Variants in ADNP observed in about 807,000 individuals in gnomAD.
The protein encoded by ADNP is activity dependent neuroprotector homeobox.
A neutral mutation model predicts 84.9 loss-of-function variants in ADNP; 4 were observed. The observed-to-expected ratio is 0.05, with a 90% CI of 0.02 to 0.11. The LOEUF is 0.11. ADNP is among the 10% of genes least tolerant of loss of function. ADNP has a pLI of 1.00. For synonymous variants in ADNP, 554 were observed against 468.1 expected, an observed-to-expected ratio of 1.18 and a Z score of -2.37; for missense variants, 1,132 against 1,326.0, an observed-to-expected ratio of 0.85 and a Z score of 2.27.
At chr20:50,919,359 A>G (rs1983779295) in intron 2 of ADNP, among the ~76,000 whole-genome samples, 1 of 150,064 alleles carries the variant, frequency 6.7e-6, no homozygotes, top group Non-Finnish European at 1.5e-5. Flanking sequence ...AGTCCCAGCT[A>G]CTTGGGAGGC....
At chr20:50,914,430 T>C in intron 2 of ADNP, 1 of 483,714 alleles carries the variant, frequency 2.1e-6, no homozygotes, top group Non-Finnish European at 3.8e-6. Flanking sequence ...CTTTCTATGT[T>C]GTGATGCTGT....
At chr20:50,915,114 TG>T (rs1983410046) in intron 2 of ADNP, among the ~76,000 whole-genome samples, 1 of 152,220 alleles carries the variant, frequency 6.6e-6, no homozygotes, top group Non-Finnish European at 1.5e-5. Flanking sequence ...AAATGTATTC[TG>T]ATTTGTATTT....
intron 5 of ADNP, among the ~76,000 whole-genome samples, chr20:50,897,739 G>A (rs1045318773): frequency 6.6e-6 from 1 of 152,208 alleles, no homozygotes; most frequent in African/African-American, 2.4e-5. Flanking sequence ...GGATCAAAGA[G>A]GTGGTGTTTG....
At position 50,917,395 on chromosome 20, in the gene ADNP, T is replaced by C. The variant is rs189552827; in HGVS notation, c.-90+11256A>G. On this transcript the variant is annotated intron_variant, in intron 2 of 5. Coordinates refer to ENST00000621696, the MANE Select transcript of ADNP (RefSeq NM_001282531.3). ...TCTTAAATCACTCTTACCATCACCATGGAGGCCAAGAGTCACTAGATAGTC... is the reference window on the plus strand; with the variant it reads ...TCTTAAATCACTCTTACCATCACCACGGAGGCCAAGAGTCACTAGATAGTC... 2.2e-3 allele frequency among the ~76,000 whole-genome samples: 333 copies of C among 152,328 alleles called. 2 individuals are homozygous for C. The highest frequency in any genetic ancestry group is 2.8e-3 in the Non-Finnish European group (193 of 68,028).
chr20:50,903,484 A>G (rs1245955435), intron 4 of ADNP, among the ~76,000 whole-genome samples: 1 of 152,220 alleles, frequency 6.6e-6, no homozygotes, highest in East Asian at 1.9e-4. Flanking sequence ...GCGTATCAGA[A>G]TGAGAACAGG....
chr20:50,922,807 TC>T (rs988142393), intron 2 of ADNP, among the ~76,000 whole-genome samples: 1 of 152,004 alleles, frequency 6.6e-6, no homozygotes, highest in Non-Finnish European at 1.5e-5. Context: ...GGTCTCAAAC[TC>T]CTAAACTTGT....
chr20:50,902,139 A>G, intron 4 of ADNP, 30 bp from the exon 5 acceptor site: 2 of 1,500,996 alleles, frequency 1.3e-6, no homozygotes, highest in Non-Finnish European at 1.9e-6. Context: ...GTTTACAAAA[A>G]CATAGTGGTA....
intron 2 of ADNP, among the ~76,000 whole-genome samples, chr20:50,908,130 T>C (rs1378288118): frequency 3.3e-5 from 5 of 149,596 alleles, no homozygotes; most frequent in African/African-American, 1.2e-4. Context: ...TTCAAAAGCA[T>C]TTGCAAAGAT....
At position 50,893,562 on chromosome 20, in the gene ADNP, C is replaced by T; in HGVS notation, c.1152G>A (p.Gln384=). Residue 384 remains glutamine, a synonymous_variant, in exon 6 of 6, where the codon CAG becomes CAA. Transcript: ENST00000621696. The surrounding 1 kb of genome is among the most constrained non-coding windows in gnomAD (Gnocchi z 4.4). ...NGRSYGLGSE[Q]RSQAPARYSL... ...AGTATCTTGCTGGTGCCTGGGACCT[C>T]TGCTCTGACCCAAGCCCATAAGACC... 1 of 1,614,066 alleles carries T rather than the reference C, an allele frequency of 6.2e-7. No homozygotes were observed. Among genetic ancestry groups the T allele is most frequent in the South Asian group, 1.1e-5 (1 of 91,076 alleles).
At chr20:50,923,860 T>C (rs1383774333) in intron 2 of ADNP, among the ~76,000 whole-genome samples, 1 of 152,242 alleles carries the variant, frequency 6.6e-6, no homozygotes. Flanking sequence ...GAAGCAGGAT[T>C]CTGAGCACTT....
chr20:50,921,871 T>C (rs1344056948), intron 2 of ADNP, among the ~76,000 whole-genome samples: 1 of 152,186 alleles, frequency 6.6e-6, no homozygotes, highest in Non-Finnish European at 1.5e-5. Context: ...CTTTATAATA[T>C]ACCAATTTAG....
chr20:50,904,235 G>A (rs558751936), intron 3 of ADNP: 8 of 490,014 alleles, frequency 1.6e-5, no homozygotes, highest in South Asian at 6.6e-5. Context: ...ACTCTGTCGC[G>A]CAGGCTGGAG....
intron 4 of ADNP, among the ~76,000 whole-genome samples, chr20:50,903,149 C>T (rs1982148460): frequency 6.6e-6 from 1 of 152,106 alleles, no homozygotes; most frequent in African/African-American, 2.4e-5. Flanking sequence ...TCCCTAGCCA[C>T]CTAGAACTTA....
At chr20:50,919,677 A>C (rs535638470) in intron 2 of ADNP, among the ~76,000 whole-genome samples, 7 of 152,298 alleles carry the variant, frequency 4.6e-5, no homozygotes, top group African/African-American at 1.7e-4. Context: ...GGAGGGTGGC[A>C]ACAGCTGCTG....
intron 2 of ADNP, among the ~76,000 whole-genome samples, chr20:50,923,777 C>G (rs879677635): frequency 1.3e-5 from 2 of 152,184 alleles, no homozygotes; most frequent in Admixed American, 1.3e-4. Context: ...CTTGGCTTCC[C>G]AAAGTGCTGG....
chr20:50,920,689 C>T (rs185234749), intron 2 of ADNP, among the ~76,000 whole-genome samples: 11 of 152,228 alleles, frequency 7.2e-5, no homozygotes, highest in Admixed American at 3.3e-4. Context: ...GAGAAACCAT[C>T]ACTGCCTTAG....
chr20:50,928,965 T>C (rs548215841), intron 1 of ADNP, 140 bp from the exon 2 acceptor site: 2 of 152,238 alleles, frequency 1.3e-5, no homozygotes, highest in Admixed American at 6.5e-5. Context: ...AAGTCCAAAT[T>C]TGGAGGGAAA....
intron 2 of ADNP, among the ~76,000 whole-genome samples, chr20:50,906,431 G>A (rs1445721133): frequency 6.6e-6 from 1 of 152,140 alleles, no homozygotes; most frequent in Admixed American, 6.5e-5. Context: ...TCAGTTCTTT[G>A]GGAACTTCCT....
chr20:50,926,048 C>T (rs772413660), intron 2 of ADNP, among the ~76,000 whole-genome samples: 1 of 152,162 alleles, frequency 6.6e-6, no homozygotes, highest in Non-Finnish European at 1.5e-5. Flanking sequence ...TGCAGTGAGC[C>T]GACATTGGGC....
Sources: gnomAD v4.1 joint callset for allele counts (sites outside exome capture counted in the v4.1 genomes callset) on GRCh38, gnomAD v4.1.1 for gene constraint, Gnocchi (gnomAD v3.1) non-coding constraint, MANE v1.5 for transcripts, NCBI Gene and HGNC (gene_info 2026-07-23, HGNC 2026-07-21) for gene names.